Variants in SLC39A11 observed in about 807,000 individuals in gnomAD.
SLC39A11 encodes the protein solute carrier family 39 member 11.
SLC39A11 carries 33 observed loss-of-function variants against 36.1 expected under a neutral mutation model. The observed-to-expected ratio is 0.91, with a 90% confidence interval of 0.69 to 1.22. SLC39A11 has a LOEUF of 1.22. Among genes scored for constraint, SLC39A11 ranks in the 50% most tolerant of loss-of-function variants. SLC39A11 has a pLI of 0.00. For synonymous variants in SLC39A11, 166 were observed against 170.3 expected (o/e 0.97, Z 0.20); for missense variants, 432 against 430.3 (o/e 1.00, Z -0.03).
At chr17:72,769,202 TG>T (rs1245483940) in intron 6 of SLC39A11, among the ~76,000 whole-genome samples, 1 of 152,212 alleles carries the variant, frequency 6.6e-6, no homozygotes, top group Non-Finnish European at 1.5e-5. Flanking sequence ...TAATCCTACC[TG>T]GGGTGACCCC....
intron 6 of SLC39A11, among the ~76,000 whole-genome samples, chr17:72,738,472 G>A (rs79189276): frequency 0.023 from 3,428 of 152,210 alleles, 138 homozygotes; most frequent in Admixed American, 0.095. Flanking sequence ...GTGGTACATG[G>A]GCTTGCCAAG....
chr17:72,939,235 T>C (rs936033745), intron 5 of SLC39A11, among the ~76,000 whole-genome samples: 3 of 152,044 alleles, frequency 2.0e-5, no homozygotes, highest in South Asian at 2.1e-4. Flanking sequence ...CCGAGGTGGG[T>C]GGGTCACCTG....
intron 4 of SLC39A11, among the ~76,000 whole-genome samples, chr17:73,024,998 G>A (rs556397292): frequency 1.3e-5 from 2 of 151,050 alleles, no homozygotes; most frequent in African/African-American, 4.9e-5. Context: ...TTATAGGCAT[G>A]AGCTACCGCG....
At chr17:72,770,234 T>C (rs111653342) in intron 6 of SLC39A11, among the ~76,000 whole-genome samples, 1,838 of 152,316 alleles carry the variant, frequency 0.012, 13 homozygotes, top group Middle Eastern at 0.024. Flanking sequence ...ACAAATACTG[T>C]CTGATCCACT....
At chr17:72,879,475 T>C (rs1305001907) in intron 5 of SLC39A11, among the ~76,000 whole-genome samples, 6 of 152,254 alleles carry the variant, frequency 3.9e-5, no homozygotes, top group Non-Finnish European at 7.3e-5. Flanking sequence ...TTTCACAATA[T>C]CACAGTATCA....
chr17:72,913,642 T>G (rs73345521), intron 5 of SLC39A11, among the ~76,000 whole-genome samples: 4,235 of 152,208 alleles, frequency 0.028, 200 homozygotes, highest in African/African-American at 0.093. Flanking sequence ...AAGTGTATGT[T>G]AGAGGTCTGA....
intron 5 of SLC39A11, among the ~76,000 whole-genome samples, chr17:72,922,979 A>C (rs12051669): frequency 0.11 from 14,718 of 137,952 alleles, 2,323 homozygotes; most frequent in African/African-American, 0.29. Flanking sequence ...AAAAAAAAAA[A>C]AAAAAAAAAA....
At chr17:72,724,107 T>A (rs985348351) in intron 7 of SLC39A11, among the ~76,000 whole-genome samples, 22 of 142,214 alleles carry the variant, frequency 1.5e-4, no homozygotes, top group Non-Finnish European at 1.3e-4. Context: ...CCTTTTATTT[T>A]TTTTTTTCTG....
At chr17:73,026,233 A>AGAGAAGAGAAGAG (rs374840533) in intron 4 of SLC39A11, among the ~76,000 whole-genome samples, 142 of 150,422 alleles carry the variant, frequency 9.4e-4, no homozygotes, top group Middle Eastern at 3.4e-3. Context: ...AGAGAAGAGA[A>AGAGAAGAGAAGAG]AAGGGAAAAG....
chr17:72,731,510 A>C (rs185161846), intron 7 of SLC39A11, among the ~76,000 whole-genome samples: 2 of 149,414 alleles, frequency 1.3e-5, no homozygotes, highest in Non-Finnish European at 1.5e-5. Context: ...AAGTATTAAA[A>C]AGTGCTTTCA....
intron 3 of SLC39A11, among the ~76,000 whole-genome samples, chr17:73,072,967 G>T (rs1053731024): frequency 6.6e-6 from 1 of 152,164 alleles, no homozygotes; most frequent in African/African-American, 2.4e-5. Context: ...ATCACTTGTG[G>T]TCAGGAGTTC....
intron 4 of SLC39A11, among the ~76,000 whole-genome samples, chr17:72,953,550 T>A (rs928218064): frequency 7.9e-5 from 12 of 152,072 alleles, no homozygotes; most frequent in African/African-American, 2.9e-4. Context: ...GTGGCTGATG[T>A]CTCCAGAGCC....
At chr17:72,954,014 C>T (rs1036258064) in intron 4 of SLC39A11, among the ~76,000 whole-genome samples, 2 of 152,192 alleles carry the variant, frequency 1.3e-5, no homozygotes, top group African/African-American at 4.8e-5. Context: ...GTTGCTGGCC[C>T]ATGAAGGGCA....
chr17:72,886,079 A>G (rs905248184), intron 5 of SLC39A11, among the ~76,000 whole-genome samples: 2 of 152,068 alleles, frequency 1.3e-5, no homozygotes, highest in Non-Finnish European at 2.9e-5. Context: ...CTCCCCCAGT[A>G]TTCCTGCATC....
chr17:72,817,786 C>A (rs2077633240), intron 6 of SLC39A11: 1 of 152,168 alleles, frequency 6.6e-6, no homozygotes, highest in Admixed American at 6.5e-5. Context: ...CCATGGTGGT[C>A]TGTATTATTC....
chr17:72,881,338 A>C (rs1414147770), intron 5 of SLC39A11, among the ~76,000 whole-genome samples: 1 of 152,192 alleles, frequency 6.6e-6, no homozygotes, highest in Non-Finnish European at 1.5e-5. Context: ...AAAAAAATTA[A>C]CTTGATTGCA....
intron 5 of SLC39A11, among the ~76,000 whole-genome samples, chr17:72,861,882 T>C (rs1055168522): frequency 1.3e-5 from 2 of 149,288 alleles, no homozygotes; most frequent in Non-Finnish European, 3.0e-5. Flanking sequence ...ACTTGAGACA[T>C]TGAAACTTAA....
intron 5 of SLC39A11, among the ~76,000 whole-genome samples, chr17:72,898,773 A>G (rs1343443205): frequency 1.3e-5 from 2 of 152,342 alleles, no homozygotes; most frequent in Admixed American, 6.5e-5. Flanking sequence ...CATACATAAC[A>G]CCACCCTGGT....
intron 6 of SLC39A11, among the ~76,000 whole-genome samples, chr17:72,827,076 G>A (rs953256684): frequency 6.6e-6 from 1 of 152,176 alleles, no homozygotes; most frequent in Non-Finnish European, 1.5e-5. Context: ...ATTCATAATA[G>A]TCCAACAGTA....
Sources: gnomAD v4.1 joint callset for allele counts (sites outside exome capture counted in the v4.1 genomes callset) on GRCh38, gnomAD v4.1.1 for gene constraint, MANE v1.5 for transcripts, NCBI Gene and HGNC (gene_info 2026-07-23, HGNC 2026-07-21) for gene names.